ATP8B2: variants seen among roughly 807,000 people sequenced by gnomAD.
ATP8B2 encodes phospholipid-transporting ATPase ID.
In ATP8B2, 70 loss-of-function variants were observed where a neutral mutation model predicts 133.4. The observed-to-expected ratio is 0.52, with a 90% CI of 0.43 to 0.64. The LOEUF (loss-of-function observed/expected upper bound fraction) is 0.64, where lower values mean the gene tolerates loss of function less well. ATP8B2 is among the 30% of genes least tolerant of loss of function. The pLI is 0.00. For missense variants in ATP8B2, 1,101 were observed against 1,535.7 expected (o/e 0.72, Z 4.73); for synonymous variants, 517 against 589.5 (o/e 0.88, Z 1.78).
In ATP8B2 at chr1:154,345,645, C is replaced by T. The variant is rs1188442843; in HGVS notation, c.2694+100C>T. 1.5e-6 allele frequency: 2 copies of T among 1,322,830 alleles called. No homozygotes were observed. 81.9% of individuals were successfully genotyped at this position (1,322,830 alleles called of 1,614,324 possible). On this transcript the variant is annotated intron_variant, in intron 23 of 27. Coordinates refer to ENST00000368489, the MANE Select transcript of ATP8B2 (RefSeq NM_001370597.1). The surrounding 1 kb of genome is among the most constrained non-coding windows in gnomAD (Gnocchi z 5.6). ...CAGTCCCCCAGGGCCTAGCTATTTTCTGGTACATACTCTTAAAAAATGCTT... is the reference window on the plus strand; with the variant it reads ...CAGTCCCCCAGGGCCTAGCTATTTTTTGGTACATACTCTTAAAAAATGCTT...
intron 26 of ATP8B2, among the ~76,000 whole-genome samples, chr1:154,347,685 A>C (rs1208943035): frequency 6.6e-6 from 1 of 152,142 alleles, no homozygotes; most frequent in Non-Finnish European, 1.5e-5. Flanking sequence ...TCAAGCCTAT[A>C]ATCCCAGTAC....
chr1:154,330,199 T>A (rs879450483), intron 2 of ATP8B2, among the ~76,000 whole-genome samples, 197 bp from the exon 3 acceptor site: 1 of 152,086 alleles, frequency 6.6e-6, no homozygotes, highest in Non-Finnish European at 1.5e-5. Context: ...TGTCCTGTCC[T>A]GTGAATGTAA....
intron 12 of ATP8B2, 75 bp downstream of exon 12, chr1:154,337,619 T>G: frequency 6.2e-7 from 1 of 1,614,152 alleles, no homozygotes. Flanking sequence ...TCTATGAAGA[T>G]GAAGTCCTTG....
At position 154,343,245 on chromosome 1, in the gene ATP8B2, A is replaced by G. The variant is rs1686447440; in HGVS notation, c.1586A>G (p.Tyr529Cys). Residue 529 changes from tyrosine (Y) to cysteine (C), a missense_variant, in exon 16 of 28, where the codon TAC becomes TGC. By Grantham distance (194) the Tyr-to-Cys change is radical. Transcript: ENST00000368489. This position sits in a 1 kb window ranked among gnomAD's most constrained non-coding sequence, Gnocchi z 5.8. ...CATGAGATGGGCACAGCCATCACCT[A>G]CCAGCTGCTGGCCATCCTGGACTTC... ...TVHEMGTAIT[Y>C]QLLAILDFNN... The G allele has an allele frequency of 6.2e-7, 1 of 1,614,074 alleles. No homozygotes were observed. Among genetic ancestry groups the G allele is most frequent in the Middle Eastern group, 1.6e-4 (1 of 6,062 alleles).
chr1:154,333,779 C>G (rs1686084453), intron 9 of ATP8B2, among the ~76,000 whole-genome samples: 1 of 151,784 alleles, frequency 6.6e-6, no homozygotes, highest in Non-Finnish European at 1.5e-5. Flanking sequence ...GAATTACAGG[C>G]TCCCACCACC....
In ATP8B2 at chr1:154,343,066, G is replaced by A. The variant is rs933944186; in HGVS notation, c.1454-47G>A. 1.3e-6 allele frequency: 2 copies of A among 1,597,012 alleles called. No individual in the cohort carries two copies. The highest frequency in any genetic ancestry group is 8.5e-7 in the Non-Finnish European group (1 of 1,170,224). On this transcript the variant is annotated intron_variant, in intron 15 of 27. Transcript: ENST00000368489. This position sits in a 1 kb window ranked among gnomAD's most constrained non-coding sequence, Gnocchi z 5.8. ...TGGGGCTTCCTGGGCGGGGCACGTG[G>A]CTGAGGGAAGCCACTTATATCACGT... is the stretch of plus-strand genomic sequence containing the variant.
Position 154,345,460 on chromosome 1 carries a change from A to C in ATP8B2, c.2609A>C (p.Lys870Thr). ...HGRWSYLRMCKFLCYFFYKNF... is the reference protein window; with the variant it reads ...HGRWSYLRMCTFLCYFFYKNF... ...CGCTGGTCCTACCTGCGAATGTGCAAGTTTCTTTGCTATTTCTTCTACAAA... is the reference window on the plus strand; with the variant it reads ...CGCTGGTCCTACCTGCGAATGTGCACGTTTCTTTGCTATTTCTTCTACAAA... Residue 870 changes from lysine to threonine, a missense_variant, in exon 23 of 28, where the codon AAG becomes ACG. Lys to Thr is a moderately conservative substitution (Grantham distance 78). Coordinates refer to ENST00000368489, the MANE Select transcript of ATP8B2 (RefSeq NM_001370597.1). This position sits in a 1 kb window ranked among gnomAD's most constrained non-coding sequence, Gnocchi z 5.6. The C allele has an allele frequency of 6.2e-7, 1 of 1,614,068 alleles. No individual in the cohort carries two copies. Among genetic ancestry groups the C allele is most frequent in the East Asian group, 2.2e-5 (1 of 44,892 alleles).
rs141275731 is a variant in ATP8B2, at chr1:154,330,822, G to A, written c.98G>A (p.Cys33Tyr). The part of the protein sequence containing the change: ...YNEKFQYASN[C>Y]IKTSKYNILT... ...TCTCTCCTACTGCCATAGAGTAACT[G>A]CATCAAGACCTCCAAGTACAATATT... The change falls in exon 4 of 28, where the codon TGC (cysteine) becomes TAC (tyrosine). Residue 33 changes from cysteine to tyrosine, a missense_variant. Cys to Tyr is a radical substitution (Grantham distance 194). Transcript: ENST00000368489. 55 of 1,613,478 alleles carry A rather than the reference G, an allele frequency of 3.4e-5. 1 individual carries two copies. In the African/African-American group the frequency reaches 6.8e-4, roughly 20 times the overall value.
rs902851606 is a variant in ATP8B2 at position 154,334,342 on chromosome 1, G to C, written c.748+77G>C. 3.0e-5 allele frequency: 48 copies of C among 1,576,236 alleles called. No individual in the cohort carries two copies. Among genetic ancestry groups the C allele is most frequent in the Non-Finnish European group, 3.9e-5 (45 of 1,153,750 alleles). The stretch of plus-strand genomic sequence containing the variant: ...CTCACTCAGGAGTATGGGATGAGGT[G>C]GGAGAATACCTAAGGTAAAAAACCT... On this transcript the variant is annotated intron_variant, in intron 10 of 27. Transcript: ENST00000368489. The surrounding 1 kb of genome is among the most constrained non-coding windows in gnomAD (Gnocchi z 4.6).
rs765678600 is a variant in ATP8B2, at chr1:154,346,514, G to A, written c.3024+38G>A. 6 of 1,604,726 alleles carry A rather than the reference G, an allele frequency of 3.7e-6. No individual in the cohort carries two copies. On this transcript the variant is annotated intron_variant, in intron 25 of 27. Coordinates refer to ENST00000368489, the MANE Select transcript of ATP8B2 (RefSeq NM_001370597.1). The surrounding 1 kb of genome is among the most constrained non-coding windows in gnomAD (Gnocchi z 4.5). ...CCAGGAACTCCCCTCTTCTCTGGAAGGAGTGAGCCTTCTGTCCCTGGGGCT... is the reference window on the plus strand; with the variant it reads ...CCAGGAACTCCCCTCTTCTCTGGAAAGAGTGAGCCTTCTGTCCCTGGGGCT...
Position 154,331,873 on chromosome 1 carries a change from C to G in ATP8B2, c.439-81C>G. On this transcript the variant is annotated intron_variant, in intron 7 of 27. Transcript: ENST00000368489. The surrounding 1 kb of genome is among the most constrained non-coding windows in gnomAD (Gnocchi z 4.8). ...CCTGGAACTAAGCAAACCAAGAATG[C>G]TTAGTGGAAGGAGCCACCATTACAG... 1 of 1,445,132 alleles carries G rather than the reference C, an allele frequency of 6.9e-7. No homozygotes were observed. Among genetic ancestry groups the G allele is most frequent in the Non-Finnish European group, 9.7e-7 (1 of 1,027,868 alleles). The allele number at this position is 1,445,132 out of a possible 1,614,324, so 89.5% of individuals were successfully genotyped here. A position where few individuals can be genotyped will look rare whatever the true frequency, so the allele number is the denominator to read the frequency against.
intron 27 of ATP8B2, 53 bp from the exon 28 acceptor site, chr1:154,348,787 G>T: frequency 1.3e-6 from 2 of 1,508,928 alleles, no homozygotes; most frequent in South Asian, 2.5e-5. Context: ...TCTCCTTGGC[G>T]ATATCTGACA....
In ATP8B2 at chr1:154,331,723, CT is replaced by C. The variant is rs1168820271; in HGVS notation, c.438+48del. On this transcript the variant is annotated intron_variant, in intron 7 of 27. Transcript: ENST00000368489. The surrounding 1 kb of genome is among the most constrained non-coding windows in gnomAD (Gnocchi z 4.8). Reference sequence around the variant, plus strand: ...TCTAGGCCTGTAGGTTCTTCCTCTTCTTTGTGAGAAAAGGATGAATCTTTCC... The same window carrying C: ...TCTAGGCCTGTAGGTTCTTCCTCTTCTTGTGAGAAAAGGATGAATCTTTCC... 6.4e-7 allele frequency: 1 copy of C among 1,571,378 alleles called. No homozygotes were observed. Among genetic ancestry groups the C allele is most frequent in the South Asian group, 1.1e-5 (1 of 90,174 alleles).
At chr1:154,335,633 T>C (rs529361498) in intron 11 of ATP8B2, among the ~76,000 whole-genome samples, 23 of 152,024 alleles carry the variant, frequency 1.5e-4, no homozygotes, top group Non-Finnish European at 2.9e-5. Flanking sequence ...TGAGGCTGCG[T>C]TGAGCTAGGA....
At chr1:154,336,790 T>C (rs1372089215) in intron 11 of ATP8B2, among the ~76,000 whole-genome samples, 1 of 132,872 alleles carries the variant, frequency 7.5e-6, no homozygotes, top group Non-Finnish European at 1.6e-5. Flanking sequence ...TCACTGCACC[T>C]GGCCTTTTTT....
rs746917450 is a variant in ATP8B2 at position 154,340,825 on chromosome 1, C to G, written c.1035-29C>G. The G allele has an allele frequency of 6.2e-7, 1 of 1,610,562 alleles. No individual in the cohort carries two copies. Among genetic ancestry groups the G allele is most frequent in the East Asian group, 2.2e-5 (1 of 44,834 alleles). On this transcript the variant is annotated intron_variant, in intron 12 of 27. Coordinates refer to ENST00000368489, the MANE Select transcript of ATP8B2 (RefSeq NM_001370597.1). The surrounding 1 kb of genome is among the most constrained non-coding windows in gnomAD (Gnocchi z 4.0). Reference sequence around the variant, plus strand: ...TGGGGCACCTCCTCTTCTTCCCGACCCAAGCCTCACCTCTTGTCCCCTGTG... The same window carrying G: ...TGGGGCACCTCCTCTTCTTCCCGACGCAAGCCTCACCTCTTGTCCCCTGTG...
chr1:154,345,429 C>T lies in ATP8B2; in HGVS notation c.2578C>T (p.His860Tyr). ...GTTCCTGCAGCGCCTCCTGCTGGTG[C>T]ATGGGCGCTGGTCCTACCTGCGAAT... ...FKFLQRLLLV[H>Y]GRWSYLRMCK... is the part of the protein sequence containing the mutation. The change falls in exon 23 of 28, where the codon CAT becomes TAT. Residue 860 changes from histidine (H) to tyrosine (Y), a missense_variant. Physicochemically the swap from His to Tyr is moderately conservative, Grantham distance 83. Transcript: ENST00000368489. This position sits in a 1 kb window ranked among gnomAD's most constrained non-coding sequence, Gnocchi z 5.6. The T allele has an allele frequency of 6.2e-7, 1 of 1,614,194 alleles. No homozygotes were observed. The highest frequency in any genetic ancestry group is 8.5e-7 in the Non-Finnish European group (1 of 1,180,016).
chr1:154,347,744 C>T (rs1686632777), intron 26 of ATP8B2, among the ~76,000 whole-genome samples: 3 of 152,030 alleles, frequency 2.0e-5, no homozygotes, highest in African/African-American at 2.4e-5. Context: ...AGTTCAAGAC[C>T]AGCCTGACCC....
At chr1:154,347,662 C>T (rs1030396872) in intron 26 of ATP8B2, among the ~76,000 whole-genome samples, 2 of 151,844 alleles carry the variant, frequency 1.3e-5, no homozygotes, top group Non-Finnish European at 2.9e-5. Flanking sequence ...AACAACAGGC[C>T]GGGCGCGGTG....
Sources: gnomAD v4.1 joint callset for allele counts (sites outside exome capture counted in the v4.1 genomes callset) on GRCh38, gnomAD v4.1.1 for gene constraint, Gnocchi (gnomAD v3.1) non-coding constraint, MANE v1.5 for transcripts, NCBI Gene and HGNC (gene_info 2026-07-23, HGNC 2026-07-21) for gene names.